ST14: variants seen among roughly 807,000 people sequenced by gnomAD.
ST14 encodes suppressor of tumorigenicity 14 protein.
Under a neutral mutation model 96.5 loss-of-function variants are expected in ST14, and 40 were observed. That is an observed-to-expected ratio of 0.41 (90% CI 0.32 to 0.54). The LOEUF is 0.54. ST14 is among the 20% of genes least tolerant of loss of function. The pLI, the probability that ST14 is intolerant of heterozygous loss-of-function variation, is 0.17. For missense variants in ST14, 1,066 were observed against 1,188.9 expected (o/e 0.90, Z 1.52); for synonymous variants, 506 against 492.1 (o/e 1.03, Z -0.37).
At chr11:130,173,573 G>A (rs900124707) in intron 1 of ST14, among the ~76,000 whole-genome samples, 5 of 150,592 alleles carry the variant, frequency 3.3e-5, no homozygotes, top group East Asian at 1.9e-4. Flanking sequence ...TCCAGACTGC[G>A]TGACAGAGCG....
At chr11:130,173,937 T>A (rs1953115258) in intron 1 of ST14, among the ~76,000 whole-genome samples, 1 of 152,228 alleles carries the variant, frequency 6.6e-6, no homozygotes, top group African/African-American at 2.4e-5. Context: ...GCTCTGGGCC[T>A]CAGCTTACAC....
At position 130,159,864 on chromosome 11, in the gene ST14, G is replaced by T; in HGVS notation, c.-116G>T. On this transcript the variant is annotated 5_prime_UTR_variant, in exon 1 of 19. Coordinates refer to ENST00000278742, the MANE Select transcript of ST14 (RefSeq NM_021978.4). ...GAGGGCACCGCCGCCGGTCGGGCGC[G>T]CTGGGCCTGCCCGGAATCCCGCCGC... is the stretch of plus-strand genomic sequence containing the variant. The T allele has an allele frequency of 6.9e-6, 3 of 435,676 alleles. No individual in the cohort carries two copies. The highest frequency in any genetic ancestry group is 1.0e-5 in the Non-Finnish European group (3 of 290,516). 27.0% of individuals were successfully genotyped at this position (435,676 alleles called of 1,614,324 possible). A position where few individuals can be genotyped will look rare whatever the true frequency, so the allele number is the denominator to read the frequency against.
At chr11:130,204,020 T>C (rs751789217) in intron 16 of ST14, among the ~76,000 whole-genome samples, 9 of 152,202 alleles carry the variant, frequency 5.9e-5, no homozygotes, top group Non-Finnish European at 1.2e-4. Context: ...CAGGCCTACG[T>C]GATGTCGAGG....
intron 14 of ST14, 39 bp downstream of exon 14, chr11:130,198,660 G>A (rs760989313): frequency 3.8e-6 from 6 of 1,570,224 alleles, no homozygotes; most frequent in African/African-American, 2.7e-5. Context: ...TGGGGGCCTC[G>A]CCCCTGGAGG....
intron 9 of ST14, among the ~76,000 whole-genome samples, 177 bp from the exon 10 acceptor site, chr11:130,196,162 A>AAAAC (rs546547296): frequency 3.8e-4 from 57 of 148,614 alleles, no homozygotes; most frequent in Middle Eastern, 3.6e-3. Flanking sequence ...TCCATCTCAA[A>AAAAC]AAACAAACAA....
At chr11:130,186,645 A>G (rs1953240541) in intron 1 of ST14, among the ~76,000 whole-genome samples, 1 of 152,230 alleles carries the variant, frequency 6.6e-6, no homozygotes, top group Admixed American at 6.5e-5. Flanking sequence ...ATAATAGTGA[A>G]CAATATTTTC....
At chr11:130,172,411 C>CTTTTTT (rs1173051845) in intron 1 of ST14, among the ~76,000 whole-genome samples, 6 of 88,286 alleles carry the variant, frequency 6.8e-5, no homozygotes, top group East Asian at 3.6e-4. Context: ...TGGCTGTCTT[C>CTTTTTT]TTTTTTTTTT....
chr11:130,162,129 T>C (rs1953003076), intron 1 of ST14, among the ~76,000 whole-genome samples: 1 of 152,314 alleles, frequency 6.6e-6, no homozygotes, highest in Non-Finnish European at 1.5e-5. Flanking sequence ...CTGGGTTCCT[T>C]GTCCCCAGTT....
In ST14 at chr11:130,206,432, G is replaced by A. The variant is rs185295998; in HGVS notation, c.1995-1978G>A. On this transcript the variant is annotated intron_variant, in intron 16 of 18. Coordinates refer to ENST00000278742, the MANE Select transcript of ST14 (RefSeq NM_021978.4). Reference sequence around the variant, plus strand: ...GTTCTCCAGCCGTACTTTGCCCGGCGTCTCAGCGTCCGTTGGTGATTCTCA... The same window carrying A: ...GTTCTCCAGCCGTACTTTGCCCGGCATCTCAGCGTCCGTTGGTGATTCTCA... Among the ~76,000 whole-genome samples, 967 of 152,278 alleles carry A rather than the reference G, an allele frequency of 6.4e-3. 20 individuals are homozygous for A. Among genetic ancestry groups the A allele is most frequent in the Non-Finnish European group, 5.0e-3 (340 of 68,022 alleles).
At chr11:130,198,922 C>T in intron 14 of ST14, 25 bp from the exon 15 acceptor site, 1 of 1,613,614 alleles carries the variant, frequency 6.2e-7, no homozygotes, top group South Asian at 1.1e-5. Flanking sequence ...AATTGAGCCC[C>T]TCCCTTGTCC....
In ST14 at chr11:130,198,959, C is replaced by G. The variant is rs546941100; in HGVS notation, c.1697C>G (p.Thr566Ser). Residue 566 changes from threonine to serine, a missense_variant, in exon 15 of 19, where the codon ACT becomes AGT. Thr to Ser is a moderately conservative substitution (Grantham distance 58, BLOSUM62 1). Transcript: ENST00000278742. ...EASCPKVNVV[T>S]CTKHTYRCLN... is the part of the protein sequence containing the mutation. ...CCTCCTTGAACAGTGAACGTCGTCACTTGTACCAAACACACCTACCGCTGC... is the reference window on the plus strand; with the variant it reads ...CCTCCTTGAACAGTGAACGTCGTCAGTTGTACCAAACACACCTACCGCTGC... The G allele has an allele frequency of 1.9e-6, 3 of 1,614,140 alleles. No homozygotes were observed. The highest frequency in any genetic ancestry group is 2.5e-6 in the Non-Finnish European group (3 of 1,179,994).
Position 130,188,437 on chromosome 11 carries a change from C to G in ST14, c.242-93C>G. The G allele has an allele frequency of 6.2e-7, 1 of 1,604,324 alleles. No individual in the cohort carries two copies. The highest frequency in any genetic ancestry group is 8.5e-7 in the Non-Finnish European group (1 of 1,176,160). On this transcript the variant is annotated intron_variant, in intron 2 of 18. Coordinates refer to ENST00000278742, the MANE Select transcript of ST14 (RefSeq NM_021978.4). The surrounding 1 kb of genome is among the most constrained non-coding windows in gnomAD (Gnocchi z 5.4). ...GAAGCAGTCAGGGCTGACCCATGGC[C>G]CCCTCCTGGCATTCATTCCCCATTG...
chr11:130,160,066 C>G lies in ST14; in HGVS notation c.81+6C>G. The G allele has an allele frequency of 7.0e-7, 1 of 1,424,640 alleles. No individual in the cohort carries two copies. Among genetic ancestry groups the G allele is most frequent in the Non-Finnish European group, 9.3e-7 (1 of 1,080,126 alleles). The allele number at this position is 1,424,640 out of a possible 1,614,324, so 88.2% of individuals were successfully genotyped here. A position where few individuals can be genotyped will look rare whatever the true frequency, so the allele number is the denominator to read the frequency against. ...AGTACAACTCCCGGCACGAGGTGAG[C>G]GCGGGCCGGGGACCCGGGGCGCTGG... On this transcript the variant is annotated splice_donor_region_variant and intron_variant, in intron 1 of 18. Coordinates refer to ENST00000278742, the MANE Select transcript of ST14 (RefSeq NM_021978.4).
chr11:130,188,404 A>C lies in ST14; in HGVS notation c.242-126A>C, dbSNP rs1045122914. On this transcript the variant is annotated intron_variant, in intron 2 of 18. Transcript: ENST00000278742. The surrounding 1 kb of genome is among the most constrained non-coding windows in gnomAD (Gnocchi z 5.4). The stretch of plus-strand genomic sequence containing the variant: ...TGGCCTCTCTGGAACCCTGATGGGG[A>C]GTGATGGGAAGCAGTCAGGGCTGAC... 6.3e-7 allele frequency: 1 copy of C among 1,585,604 alleles called. No individual in the cohort carries two copies. Among genetic ancestry groups the C allele is most frequent in the African/African-American group, 1.3e-5 (1 of 74,390 alleles).
intron 1 of ST14, among the ~76,000 whole-genome samples, chr11:130,165,683 G>A (rs146706877): frequency 2.0e-5 from 3 of 152,272 alleles, no homozygotes; most frequent in Non-Finnish European, 4.4e-5. Flanking sequence ...ATGTTGAAAG[G>A]GTGGAGAAGA....
rs57005845 is a variant in ST14 at position 130,170,404 on chromosome 11, G to T, written c.81+10344G>T. On this transcript the variant is annotated intron_variant, in intron 1 of 18. Transcript: ENST00000278742. ...GTGCTAACTCTGGGCAAGGTTGAGGGTGGAGGGGGAGGGAGAGAGGCAGTA... is the reference window on the plus strand; with the variant it reads ...GTGCTAACTCTGGGCAAGGTTGAGGTTGGAGGGGGAGGGAGAGAGGCAGTA... 2.3e-3 allele frequency among the ~76,000 whole-genome samples: 349 copies of T among 152,268 alleles called. 2 individuals carry two copies. The highest frequency in any genetic ancestry group is 8.0e-3 in the African/African-American group (332 of 41,550).
chr11:130,165,185 A>G (rs1953031693), intron 1 of ST14, among the ~76,000 whole-genome samples: 1 of 152,246 alleles, frequency 6.6e-6, no homozygotes. Flanking sequence ...GTGGGCTGTG[A>G]CATGCGGAAC....
In ST14 at chr11:130,196,189, A is replaced by G. The variant is rs939874625; in HGVS notation, c.1114-150A>G. The G allele has an allele frequency of 1.0e-5, 7 of 699,078 alleles. No individual in the cohort carries two copies. In the Admixed American group the frequency reaches 1.2e-4, roughly 12 times the overall value. The allele number at this position is 699,078 out of a possible 1,614,324, so 43.3% of individuals were successfully genotyped here. On this transcript the variant is annotated intron_variant, in intron 9 of 18. Coordinates refer to ENST00000278742, the MANE Select transcript of ST14 (RefSeq NM_021978.4). ...AACAAACAAACAAACAAACAAACAA[A>G]CAAACACGCTGGGAGAACTTTGCAA... is the stretch of plus-strand genomic sequence containing the variant.
At chr11:130,205,653 C>T (rs182199820) in intron 16 of ST14, among the ~76,000 whole-genome samples, 404 of 149,604 alleles carry the variant, frequency 2.7e-3, no homozygotes, top group African/African-American at 9.4e-3. Context: ...CTGACGTACG[C>T]GTCATAAATG....
Sources: gnomAD v4.1 joint callset for allele counts (sites outside exome capture counted in the v4.1 genomes callset) on GRCh38, gnomAD v4.1.1 for gene constraint, Gnocchi (gnomAD v3.1) non-coding constraint, MANE v1.5 for transcripts, NCBI Gene and HGNC (gene_info 2026-07-23, HGNC 2026-07-21) for gene names.